RBFOX1: variants seen among roughly 807,000 people sequenced by gnomAD.
The protein encoded by RBFOX1 is RNA binding fox-1 homolog 1, also known as RNA binding protein fox-1 homolog 1.
Under a neutral mutation model 57.7 loss-of-function variants are expected in RBFOX1, and 8 were observed. The observed-to-expected ratio is 0.14, with a 90% CI of 0.08 to 0.25. RBFOX1 has a LOEUF of 0.25. RBFOX1 is among the 10% of genes least tolerant of loss of function. The pLI is 1.00. For synonymous variants in RBFOX1, 326 were observed against 222.4 expected (o/e 1.47, Z -4.15); for missense variants, 611 against 548.5 (o/e 1.11, Z -1.14).
chr16:6,197,490 G>C (rs1012013995), intron 1 of RBFOX1, among the ~76,000 whole-genome samples: 2 of 152,054 alleles, frequency 1.3e-5, no homozygotes, highest in Non-Finnish European at 2.9e-5. Context: ...CTCCACCTGA[G>C]CACAATTAAT....
intron 5 of RBFOX1, among the ~76,000 whole-genome samples, chr16:7,534,008 A>G (rs373553192): frequency 2.6e-5 from 4 of 152,088 alleles, no homozygotes; most frequent in Admixed American, 6.6e-5. Flanking sequence ...AATTGTTCCA[A>G]ATAGTGGCAC....
At chr16:7,029,901 G>A (rs2042350707) in intron 3 of RBFOX1, among the ~76,000 whole-genome samples, 1 of 152,142 alleles carries the variant, frequency 6.6e-6, no homozygotes, top group Non-Finnish European at 1.5e-5. Context: ...CCCAGCAAAT[G>A]CCATTTCTTC....
At chr16:6,780,270 C>CATATATATATTT (rs1603622128) in intron 3 of RBFOX1, among the ~76,000 whole-genome samples, 1 of 43,232 alleles carries the variant, frequency 2.3e-5, no homozygotes, top group Non-Finnish European at 3.6e-5. Flanking sequence ...TATATTTATA[C>CATATATATATTT]ATATATATAT....
chr16:5,627,284 GGT>G (rs1043488453), intron 3 of RBFOX1, among the ~76,000 whole-genome samples: 5 of 152,028 alleles, frequency 3.3e-5, no homozygotes, highest in Non-Finnish European at 5.9e-5. Context: ...TCATGTTATT[GGT>G]GTGTCAGACT....
intron 4 of RBFOX1, among the ~76,000 whole-genome samples, chr16:5,923,629 C>T (rs2058880567): frequency 1.3e-5 from 2 of 151,312 alleles, no homozygotes; most frequent in East Asian, 2.0e-4. Context: ...GCAACCTCCA[C>T]CTCCTGAGTT....
At chr16:7,196,649 A>G (rs2086772756) in intron 4 of RBFOX1, among the ~76,000 whole-genome samples, 1 of 152,214 alleles carries the variant, frequency 6.6e-6, no homozygotes, top group East Asian at 1.9e-4. Flanking sequence ...AGTTAGGCAA[A>G]GGAGACAGGC....
chr16:6,429,903 G>C (rs1308265075), intron 2 of RBFOX1, among the ~76,000 whole-genome samples: 1 of 152,132 alleles, frequency 6.6e-6, no homozygotes, highest in African/African-American at 2.4e-5. Context: ...GAGGTCAGGA[G>C]TTCAAGTCCA....
intron 1 of RBFOX1, among the ~76,000 whole-genome samples, chr16:6,168,009 G>A (rs2096930222): frequency 6.6e-6 from 1 of 152,182 alleles, no homozygotes; most frequent in African/African-American, 2.4e-5. Context: ...TGTCATTAGA[G>A]CTTGGCTTGG....
chr16:6,325,397 T>G (rs1004374941), intron 2 of RBFOX1, among the ~76,000 whole-genome samples: 1 of 152,144 alleles, frequency 6.6e-6, no homozygotes, highest in Non-Finnish European at 1.5e-5. Context: ...TGAAAGCAAA[T>G]TTCACCTGCA....
At chr16:7,449,704 A>G (rs2098835970) in intron 4 of RBFOX1, among the ~76,000 whole-genome samples, 1 of 129,964 alleles carries the variant, frequency 7.7e-6, no homozygotes, top group Admixed American at 8.5e-5. Flanking sequence ...CTGGAGAAAA[A>G]GAAACATGTA....
chr16:6,557,046 CATATAT>C (rs543920460), intron 2 of RBFOX1, among the ~76,000 whole-genome samples: 1 of 126,662 alleles, frequency 7.9e-6, no homozygotes, highest in African/African-American at 3.7e-5. Context: ...CATATATATA[CATATAT>C]ATACATATAT....
At chr16:7,047,047 C>CT (rs57082046) in intron 3 of RBFOX1, among the ~76,000 whole-genome samples, 44,704 of 124,208 alleles carry the variant, frequency 0.36, 8,925 homozygotes, top group South Asian at 0.51. Context: ...ATGCAATTTC[C>CT]TTTTTTTTTT....
intron 3 of RBFOX1, among the ~76,000 whole-genome samples, chr16:6,841,947 G>A (rs894227608): frequency 4.0e-5 from 6 of 150,836 alleles, no homozygotes; most frequent in African/African-American, 1.5e-4. Context: ...GACCATCCTG[G>A]CTAATACGGT....
At chr16:5,884,176 A>T (rs2057837285) in intron 4 of RBFOX1, among the ~76,000 whole-genome samples, 1 of 152,214 alleles carries the variant, frequency 6.6e-6, no homozygotes, top group South Asian at 2.1e-4. Context: ...TTGTCAGTAA[A>T]TGATACCTCA....
At chr16:6,524,083 C>T (rs1424566406) in intron 2 of RBFOX1, among the ~76,000 whole-genome samples, 3 of 152,126 alleles carry the variant, frequency 2.0e-5, no homozygotes, top group African/African-American at 2.4e-5. Context: ...TGCTATCAAA[C>T]ACTAGGTCTT....
chr16:5,990,788 A>G (rs1263386423), intron 4 of RBFOX1, among the ~76,000 whole-genome samples: 3 of 152,220 alleles, frequency 2.0e-5, no homozygotes, highest in African/African-American at 7.2e-5. Flanking sequence ...AGCCTGGCCA[A>G]CATGAGGAAA....
chr16:6,268,086 G>A (rs1349688347), intron 1 of RBFOX1, among the ~76,000 whole-genome samples: 4 of 152,094 alleles, frequency 2.6e-5, no homozygotes, highest in Non-Finnish European at 5.9e-5. Context: ...CCTTGCACTG[G>A]GTAAACACAA....
chr16:5,672,484 T>A (rs1024558584), intron 3 of RBFOX1, among the ~76,000 whole-genome samples: 1 of 152,090 alleles, frequency 6.6e-6, no homozygotes, highest in Non-Finnish European at 1.5e-5. Context: ...TGCACCTCAT[T>A]CTTTAAGGAC....
At chr16:7,427,390 G>T (rs1368311624) in intron 4 of RBFOX1, among the ~76,000 whole-genome samples, 1 of 152,128 alleles carries the variant, frequency 6.6e-6, no homozygotes, top group Non-Finnish European at 1.5e-5. Context: ...GAACCCCCAA[G>T]TTTGAGAGCC....
Sources: allele counts gnomAD v4.1 joint callset (sites outside exome capture counted in the v4.1 genomes callset), GRCh38; gene constraint gnomAD v4.1.1; transcripts MANE v1.5; gene names NCBI Gene and HGNC (gene_info 2026-07-23, HGNC 2026-07-21).